Variants in CNBD1 observed in about 807,000 individuals in gnomAD.
CNBD1 encodes cyclic nucleotide binding domain containing 1.
A neutral mutation model predicts 54.4 loss-of-function variants in CNBD1; 71 were observed. That is an observed-to-expected ratio of 1.30 (90% CI 1.08 to 1.59). CNBD1 has a LOEUF of 1.59. Among genes scored for constraint, CNBD1 ranks in the 40% most tolerant of loss-of-function variants. CNBD1 has a pLI of 0.00. For synonymous variants in CNBD1, 182 were observed against 170.7 expected, an observed-to-expected ratio of 1.07 and a Z score of -0.51; for missense variants, 659 against 518.0, an observed-to-expected ratio of 1.27 and a Z score of -2.64.
At chr8:87,023,700 G>A (rs929128865) in intron 4 of CNBD1, among the ~76,000 whole-genome samples, 2 of 152,150 alleles carry the variant, frequency 1.3e-5, no homozygotes, top group African/African-American at 4.8e-5. Flanking sequence ...ATCACACTGA[G>A]TTAGAATCCC....
intron 3 of CNBD1, among the ~76,000 whole-genome samples, chr8:86,927,076 G>T (rs1327499730): frequency 6.6e-6 from 1 of 152,114 alleles, no homozygotes; most frequent in African/African-American, 2.4e-5. Flanking sequence ...ATATGCCTTG[G>T]CTGGGTAGAC....
intron 4 of CNBD1, among the ~76,000 whole-genome samples, chr8:86,976,318 G>A (rs140873986): frequency 1.4e-3 from 211 of 150,514 alleles, no homozygotes; most frequent in Middle Eastern, 0.01. Context: ...CCAATGTCAC[G>A]GAGCTTTCCC....
At position 87,378,569 on chromosome 8, in the gene CNBD1, G is replaced by A. The variant is rs991934696; in HGVS notation, c.1304-4051G>A. ...TTGGTTACTGTAGCCTTGTTGTATA[G>A]TTTGAAGTCAGGTAGTGTGATGCCT... On this transcript the variant is annotated intron_variant, in intron 10 of 10. Coordinates refer to ENST00000518476, the MANE Select transcript of CNBD1 (RefSeq NM_173538.3). 9.9e-4 allele frequency among the ~76,000 whole-genome samples: 148 copies of A among 150,242 alleles called. 4 individuals are homozygous for A. The highest frequency in any genetic ancestry group is 9.6e-3 in the Admixed American group (145 of 15,094).
intron 4 of CNBD1, among the ~76,000 whole-genome samples, chr8:87,194,098 G>A (rs1813665062): frequency 6.6e-6 from 1 of 152,102 alleles, no homozygotes; most frequent in South Asian, 2.1e-4. Flanking sequence ...CTTACATAAG[G>A]GATCTAGGCT....
chr8:87,184,682 C>G (rs1222616387), intron 4 of CNBD1, among the ~76,000 whole-genome samples: 1 of 152,130 alleles, frequency 6.6e-6, no homozygotes, highest in Non-Finnish European at 1.5e-5. Context: ...AGGAAGGAGT[C>G]TGGTGCTTGG....
intron 4 of CNBD1, among the ~76,000 whole-genome samples, chr8:87,086,816 C>G (rs934240554): frequency 1.3e-5 from 2 of 151,864 alleles, no homozygotes; most frequent in Admixed American, 6.6e-5. Flanking sequence ...TTGAGTAATC[C>G]TTAAGGGATG....
At chr8:87,077,395 C>CTCT (rs1349567501) in intron 4 of CNBD1, among the ~76,000 whole-genome samples, 17 of 147,210 alleles carry the variant, frequency 1.2e-4, no homozygotes, top group East Asian at 4.0e-4. Context: ...GCTCTTAGGC[C>CTCT]TCTTCTTCTT....
chr8:87,151,374 C>A (rs74687756), intron 4 of CNBD1, among the ~76,000 whole-genome samples: 2 of 152,312 alleles, frequency 1.3e-5, no homozygotes, highest in East Asian at 3.9e-4. Context: ...ATGAAACTCA[C>A]ATTCTAGTGG....
rs143210786 is a variant in CNBD1 at position 87,236,895 on chromosome 8, AT to A, written c.578-18del. 3.2e-3 allele frequency: 4,833 copies of A among 1,533,458 alleles called. 62 individuals are homozygous for A. The highest frequency in any genetic ancestry group is 0.023 in the African/African-American group (1,688 of 72,534). 95.0% of individuals were successfully genotyped at this position (1,533,458 alleles called of 1,614,324 possible). On this transcript the variant is annotated intron_variant, in intron 5 of 10. Transcript: ENST00000518476. ...CAAGGAGCCTGAGCACACAGTATAT[AT>A]TTTTTGGCTTTGTTTTTTTCAGTGG... is the stretch of plus-strand genomic sequence containing the variant.
At chr8:87,027,608 C>T (rs1809677853) in intron 4 of CNBD1, among the ~76,000 whole-genome samples, 1 of 152,144 alleles carries the variant, frequency 6.6e-6, no homozygotes, top group Non-Finnish European at 1.5e-5. Context: ...TCTTCAGACT[C>T]CAAAGACCAC....
intron 8 of CNBD1, among the ~76,000 whole-genome samples, chr8:87,313,827 A>G (rs1325373206): frequency 6.6e-6 from 1 of 151,960 alleles, no homozygotes; most frequent in Non-Finnish European, 1.5e-5. Flanking sequence ...CTTTTTACAT[A>G]AATGACAGTA....
chr8:87,032,032 G>A (rs556330944), intron 4 of CNBD1, among the ~76,000 whole-genome samples: 1 of 152,290 alleles, frequency 6.6e-6, no homozygotes, highest in East Asian at 1.9e-4. Flanking sequence ...ATGAGCCACA[G>A]TGCCCAGCCT....
chr8:87,109,862 A>C (rs1014394811), intron 4 of CNBD1, among the ~76,000 whole-genome samples: 2 of 152,076 alleles, frequency 1.3e-5, no homozygotes, highest in Non-Finnish European at 2.9e-5. Flanking sequence ...TGTACACAGA[A>C]TCCTGAGCTA....
At chr8:87,185,714 T>C (rs758773319) in intron 4 of CNBD1, among the ~76,000 whole-genome samples, 2 of 152,178 alleles carry the variant, frequency 1.3e-5, no homozygotes, top group Non-Finnish European at 2.9e-5. Flanking sequence ...TTCCGGTCCA[T>C]GATAGTTTCT....
chr8:87,417,582 G>A (rs1807857963), intron 2 of CNBD1, among the ~76,000 whole-genome samples: 2 of 151,874 alleles, frequency 1.3e-5, no homozygotes, highest in African/African-American at 2.4e-5. Context: ...ACATAATTGT[G>A]TATATAGAAA....
At chr8:87,060,469 A>G (rs1810518166) in intron 4 of CNBD1, among the ~76,000 whole-genome samples, 1 of 152,232 alleles carries the variant, frequency 6.6e-6, no homozygotes, top group South Asian at 2.1e-4. Context: ...AGTATATTAC[A>G]AAACATCACA....
chr8:86,999,620 C>G (rs113796103), intron 4 of CNBD1, among the ~76,000 whole-genome samples: 29 of 152,254 alleles, frequency 1.9e-4, no homozygotes, highest in African/African-American at 5.8e-4. Context: ...GCCCTTCCCC[C>G]GGTTGAGATC....
At chr8:87,383,062 T>C (rs190576379), downstream of CNBD1, among the ~76,000 whole-genome samples, 536 of 152,162 alleles carry the variant, frequency 3.5e-3, 3 homozygotes, top group Non-Finnish European at 5.9e-3. Flanking sequence ...CTATAAAGCA[T>C]ATGTAAAAGG....
At chr8:87,410,581 CA>C (rs1417062858) in intron 2 of CNBD1, among the ~76,000 whole-genome samples, 1 of 152,066 alleles carries the variant, frequency 6.6e-6, no homozygotes, top group East Asian at 1.9e-4. Context: ...TTGTTGAAAT[CA>C]CAACAAAAAA....
Sources: gnomAD v4.1 joint callset for allele counts (sites outside exome capture counted in the v4.1 genomes callset) on GRCh38, gnomAD v4.1.1 for gene constraint, MANE v1.5 for transcripts, NCBI Gene and HGNC (gene_info 2026-07-23, HGNC 2026-07-21) for gene names.